Variants in DLC1 observed in about 807,000 individuals in gnomAD.
DLC1 encodes the protein rho GTPase-activating protein 7.
A neutral mutation model predicts 140.3 loss-of-function variants in DLC1; 54 were observed. That is an observed-to-expected ratio of 0.38 (90% CI 0.31 to 0.48). The LOEUF is 0.48. DLC1 is among the 20% of genes least tolerant of loss of function. The pLI is 0.96. For synonymous variants in DLC1, 986 were observed against 728.1 expected (o/e 1.35, Z -5.70); for missense variants, 2,536 against 1,907.0 (o/e 1.33, Z -6.14).
intron 1 of DLC1, among the ~76,000 whole-genome samples, chr8:13,535,669 T>A (rs1347521682): frequency 6.1e-5 from 7 of 114,690 alleles, no homozygotes; most frequent in African/African-American, 1.1e-4. Context: ...CATTGCTCAT[T>A]AAAAAAAAAA....
intron 7 of DLC1, among the ~76,000 whole-genome samples, chr8:13,109,180 C>G (rs1250673090): frequency 6.6e-6 from 1 of 152,150 alleles, no homozygotes; most frequent in Non-Finnish European, 1.5e-5. Flanking sequence ...AGGCAGAAAA[C>G]AGAACTACCA....
At chr8:13,350,806 A>AGGT (rs1453961527) in intron 4 of DLC1, among the ~76,000 whole-genome samples, 1 of 152,230 alleles carries the variant, frequency 6.6e-6, no homozygotes, top group Non-Finnish European at 1.5e-5. Context: ...TCAGCTTGGA[A>AGGT]GGTGGTAGCC....
rs778087963 is a variant in DLC1, at chr8:13,415,130, T to C, written c.1024-13511A>G. Among the ~76,000 whole-genome samples the C allele has an allele frequency of 4.2e-4, 64 of 152,206 alleles. 1 individual carries two copies. The Middle Eastern group carries it at 0.014, about 32-fold the overall frequency. ...CCTGGCCCACGATGTTATTTTTTTT[T>C]AAGTCAGTGGCAACTAGTGCCATAC... On this transcript the variant is annotated intron_variant, in intron 2 of 17. Transcript: ENST00000276297.
At chr8:13,284,377 A>T (rs1831469710) in intron 5 of DLC1, among the ~76,000 whole-genome samples, 1 of 152,122 alleles carries the variant, frequency 6.6e-6, no homozygotes, top group South Asian at 2.1e-4. Flanking sequence ...AAATAGAAAA[A>T]TTAGCTGGGC....
chr8:13,465,095 C>T (rs1017273026), intron 2 of DLC1, among the ~76,000 whole-genome samples: 2 of 152,088 alleles, frequency 1.3e-5, no homozygotes, highest in Non-Finnish European at 1.5e-5. Context: ...GAGTTCATAT[C>T]TGTATGATAT....
Position 13,102,812 on chromosome 8 carries a change from T to G in DLC1, c.1544A>C (p.Glu515Ala), listed in dbSNP as rs1258506184. 1.2e-6 allele frequency: 2 copies of G among 1,614,076 alleles called. No individual in the cohort carries two copies. Among genetic ancestry groups the G allele is most frequent in the South Asian group, 1.1e-5 (1 of 91,064 alleles). Residue 515 changes from glutamate to alanine, a missense_variant, in exon 8 of 18, where the codon GAA becomes GCA. Coordinates refer to ENST00000276297, the MANE Select transcript of DLC1 (RefSeq NM_182643.3). ...CACTCGTTTCCGATGAGGACTAATT[T>G]CTAGCTTCATCACCGCACATTTGTT... ...TLNKCAVMKL[E>A]ISPHRKRSDD...
At chr8:13,579,569 T>G (rs1367431038) in intron 1 of DLC1, among the ~76,000 whole-genome samples, 1 of 129,698 alleles carries the variant, frequency 7.7e-6, no homozygotes, top group Non-Finnish European at 1.6e-5. Context: ...ATATTATATA[T>G]TTAATATATT....
At chr8:13,567,358 C>A (rs750546085) in intron 1 of DLC1, 27 of 1,551,530 alleles carry the variant, frequency 1.7e-5, no homozygotes, top group Non-Finnish European at 2.2e-5. Context: ...GAATGCCCTG[C>A]AGTCTTATTG....
At chr8:13,426,696 G>T (rs910284438) in intron 2 of DLC1, among the ~76,000 whole-genome samples, 1 of 152,020 alleles carries the variant, frequency 6.6e-6, no homozygotes, top group African/African-American at 2.4e-5. Context: ...CTTCTTCCTC[G>T]CAGATCTGTG....
At chr8:13,538,762 T>C (rs1335733529) in intron 1 of DLC1, among the ~76,000 whole-genome samples, 3 of 152,334 alleles carry the variant, frequency 2.0e-5, no homozygotes, top group East Asian at 3.9e-4. Flanking sequence ...TAGAAGCAGA[T>C]TTCAAGCTCA....
At chr8:13,170,521 G>A (rs1182081983) in intron 5 of DLC1, among the ~76,000 whole-genome samples, 1 of 152,130 alleles carries the variant, frequency 6.6e-6, no homozygotes, top group Middle Eastern at 3.2e-3. Context: ...ATGAGGTCAG[G>A]AAATCGAGAC....
chr8:13,361,178 G>A (rs1835209148), intron 4 of DLC1, among the ~76,000 whole-genome samples: 1 of 152,106 alleles, frequency 6.6e-6, no homozygotes, highest in African/African-American at 2.4e-5. Flanking sequence ...GCTGCAGTGA[G>A]CCTTAATTAT....
At chr8:13,165,097 C>G (rs1320816502) in intron 5 of DLC1, among the ~76,000 whole-genome samples, 1 of 152,158 alleles carries the variant, frequency 6.6e-6, no homozygotes, top group African/African-American at 2.4e-5. Context: ...AAAATGCATG[C>G]TACCTAGTGA....
chr8:13,273,870 C>T (rs553781196), intron 5 of DLC1, among the ~76,000 whole-genome samples: 2 of 152,178 alleles, frequency 1.3e-5, no homozygotes, highest in African/African-American at 4.8e-5. Context: ...AAACTAAAAT[C>T]TCAGATTAGT....
At chr8:13,237,282 TATATATAA>T (rs1829329788) in intron 5 of DLC1, among the ~76,000 whole-genome samples, 1 of 147,606 alleles carries the variant, frequency 6.8e-6, no homozygotes, top group Non-Finnish European at 1.5e-5. Context: ...GGTGTATATA[TATATATAA>T]ATATATAAAT....
At chr8:13,103,690 T>C (rs1819297683) in intron 7 of DLC1, among the ~76,000 whole-genome samples, 1 of 151,428 alleles carries the variant, frequency 6.6e-6, no homozygotes, top group Admixed American at 6.6e-5. Flanking sequence ...AATGCAAAAA[T>C]TAGCTGGGCA....
Position 13,423,535 on chromosome 8 carries a change from C to T in DLC1, c.1024-21916G>A, listed in dbSNP as rs145428593. 1.2e-4 allele frequency among the ~76,000 whole-genome samples: 18 copies of T among 152,074 alleles called. No individual in the cohort carries two copies. In the East Asian group the frequency reaches 3.1e-3, roughly 26 times the overall value. On this transcript the variant is annotated intron_variant, in intron 2 of 17. Transcript: ENST00000276297. ...ATTGAAGAAAGAATGAATTATAATACTAATTATAATTATAAGAAGTATTAG... is the reference window on the plus strand; with the variant it reads ...ATTGAAGAAAGAATGAATTATAATATTAATTATAATTATAAGAAGTATTAG...
chr8:13,105,413 G>A (rs1018390782), intron 7 of DLC1, among the ~76,000 whole-genome samples: 11 of 152,044 alleles, frequency 7.2e-5, no homozygotes, highest in African/African-American at 2.7e-4. Flanking sequence ...ACTATGCTAG[G>A]CACTTCCTAT....
intron 6 of DLC1, among the ~76,000 whole-genome samples, chr8:13,115,182 T>C (rs1255818227): frequency 5.3e-5 from 8 of 152,070 alleles, no homozygotes; most frequent in Non-Finnish European, 1.5e-5. Flanking sequence ...CCATACAGTA[T>C]AGAAGAATCT....
Sources: allele counts gnomAD v4.1 joint callset (sites outside exome capture counted in the v4.1 genomes callset), GRCh38; gene constraint gnomAD v4.1.1; transcripts MANE v1.5; gene names NCBI Gene and HGNC (gene_info 2026-07-23, HGNC 2026-07-21).